The following LMX1B variants were observed in gnomAD, a reference collection of about 807,000 sequenced individuals.
LMX1B encodes LIM homeobox transcription factor 1 beta.
In LMX1B, 12 loss-of-function variants were observed where a neutral mutation model predicts 51.4. The observed-to-expected ratio is 0.23, with a 90% CI of 0.15 to 0.38. The LOEUF is 0.38. Ranked by LOEUF, LMX1B falls within the 10% of genes least tolerant of loss-of-function variation. LMX1B has a pLI of 1.00. For missense variants in LMX1B, 445 were observed against 571.1 expected (o/e 0.78, Z 2.25); for synonymous variants, 237 against 235.4 (o/e 1.01, Z -0.06).
intron 2 of LMX1B, among the ~76,000 whole-genome samples, chr9:126,622,949 C>T (rs189769791): frequency 4.9e-4 from 75 of 152,382 alleles, no homozygotes; most frequent in African/African-American, 1.7e-3. Flanking sequence ...TAATTCCAAT[C>T]TTACAGGGTT....
At chr9:126,661,987 G>A (rs1028145598) in intron 2 of LMX1B, among the ~76,000 whole-genome samples, 2 of 152,332 alleles carry the variant, frequency 1.3e-5, no homozygotes, top group East Asian at 3.9e-4. Flanking sequence ...GCAGCAGGAA[G>A]GGGCCTTTCT....
intron 2 of LMX1B, among the ~76,000 whole-genome samples, chr9:126,679,787 T>C (rs1357984870): frequency 1.3e-5 from 2 of 152,146 alleles, no homozygotes; most frequent in Admixed American, 1.3e-4. Context: ...AACTTCTCCC[T>C]CCCAGAATGG....
intron 2 of LMX1B, among the ~76,000 whole-genome samples, chr9:126,667,324 C>T (rs896690820): frequency 1.3e-5 from 2 of 152,224 alleles, no homozygotes; most frequent in Admixed American, 6.5e-5. Flanking sequence ...GCAGCCACGA[C>T]GTAACAGTCC....
chr9:126,664,916 C>A (rs1038875021), intron 2 of LMX1B, among the ~76,000 whole-genome samples: 10 of 152,178 alleles, frequency 6.6e-5, no homozygotes, highest in Non-Finnish European at 1.2e-4. Context: ...TATTTCCTGA[C>A]CTTGACCAAA....
intron 5 of LMX1B, 57 bp from the exon 6 acceptor site, chr9:126,693,689 G>A (rs930159610): frequency 2.5e-5 from 39 of 1,588,808 alleles, no homozygotes; most frequent in Admixed American, 2.3e-4. Context: ...GGGGCGTGGG[G>A]CTGGCTGTGC....
At chr9:126,694,761 C>G (rs1025733628) in intron 6 of LMX1B, among the ~76,000 whole-genome samples, 2 of 152,170 alleles carry the variant, frequency 1.3e-5, no homozygotes, top group Non-Finnish European at 2.9e-5. Context: ...CTCGCTTCCC[C>G]CTCTGCCCCT....
intron 2 of LMX1B, among the ~76,000 whole-genome samples, chr9:126,688,946 C>T (rs1384819416): frequency 6.6e-6 from 1 of 152,242 alleles, no homozygotes; most frequent in African/African-American, 2.4e-5. Flanking sequence ...CATTGTCATT[C>T]TGCTGTGATA....
At chr9:126,644,766 C>T (rs1026941035) in intron 2 of LMX1B, among the ~76,000 whole-genome samples, 3 of 152,186 alleles carry the variant, frequency 2.0e-5, no homozygotes, top group African/African-American at 7.2e-5. Context: ...ACCACCTTCG[C>T]AGGGTATGTA....
At chr9:126,616,133 C>T (rs1055769650) in intron 2 of LMX1B, among the ~76,000 whole-genome samples, 6 of 152,166 alleles carry the variant, frequency 3.9e-5, no homozygotes, top group African/African-American at 7.2e-5. Flanking sequence ...CCGTTCCATG[C>T]GGGAATTTTG....
In LMX1B at chr9:126,690,938, C is replaced by T. The variant is rs886038509; in HGVS notation, c.429C>T (p.Cys143=). ...ECVYHLGCFC[C]CVCERQLRKG... is the part of the protein sequence containing the mutation. Reference sequence around the variant, plus strand: ...TGTACCACCTGGGCTGCTTCTGCTGCTGCGTGTGTGAACGGCAGCTACGCA... The same window carrying T: ...TGTACCACCTGGGCTGCTTCTGCTGTTGCGTGTGTGAACGGCAGCTACGCA... Residue 143 remains cysteine, a synonymous_variant, in exon 3 of 8, where the codon TGC becomes TGT. Coordinates refer to ENST00000373474, the MANE Select transcript of LMX1B (RefSeq NM_001174147.2). 1.1e-5 allele frequency: 17 copies of T among 1,613,984 alleles called. No homozygotes were observed. Among genetic ancestry groups the T allele is most frequent in the African/African-American group, 2.7e-5 (2 of 74,940 alleles).
At chr9:126,687,958 A>T (rs2029970871) in intron 2 of LMX1B, among the ~76,000 whole-genome samples, 1 of 152,036 alleles carries the variant, frequency 6.6e-6, no homozygotes, top group African/African-American at 2.4e-5. Context: ...AGTCGCTCTC[A>T]CCCCAGCACA....
Position 126,677,461 on chromosome 9 carries a change from G to A in LMX1B, c.327-13375G>A, listed in dbSNP as rs552551144. ...CGGCACAACAGGTCACTGGCTAGAAGCAGGTATCAGGCTCCCAAATCTCTG... is the reference window on the plus strand; with the variant it reads ...CGGCACAACAGGTCACTGGCTAGAAACAGGTATCAGGCTCCCAAATCTCTG... On this transcript the variant is annotated intron_variant, in intron 2 of 7. Transcript: ENST00000373474. The surrounding 1 kb of genome is among the most constrained non-coding windows in gnomAD (Gnocchi z 5.0). Among the ~76,000 whole-genome samples, 1 of 152,334 alleles carries A rather than the reference G, an allele frequency of 6.6e-6. No individual in the cohort carries two copies. The highest frequency in any genetic ancestry group is 2.4e-5 in the African/African-American group (1 of 41,574).
rs1427139400 is a variant in LMX1B, at chr9:126,673,251, C to A, written c.327-17585C>A. ...CCCCAGACACCACAGGGAGCCCCTA[C>A]CTAGGGAAAGGGCATTGAGGGGACC... On this transcript the variant is annotated intron_variant, in intron 2 of 7. Transcript: ENST00000373474. The surrounding 1 kb of genome is among the most constrained non-coding windows in gnomAD (Gnocchi z 4.4). Among the ~76,000 whole-genome samples, 1 of 152,150 alleles carries A rather than the reference C, an allele frequency of 6.6e-6. No homozygotes were observed. Among genetic ancestry groups the A allele is most frequent in the Non-Finnish European group, 1.5e-5 (1 of 68,030 alleles).
chr9:126,695,687 C>G lies in LMX1B; in HGVS notation c.887-152C>G, dbSNP rs576686778. The G allele has an allele frequency of 4.3e-5, 34 of 787,080 alleles. No individual in the cohort carries two copies. In the Middle Eastern group the frequency reaches 1.5e-3, roughly 35 times the overall value. 48.8% of individuals were successfully genotyped at this position (787,080 alleles called of 1,614,324 possible). A position where few individuals can be genotyped will look rare whatever the true frequency, so the allele number is the denominator to read the frequency against. ...CCTGGAGGAGGAGCTGGAGTGTGCA[C>G]CTGGGGAAGGGGCTGGGGAGTCAGT... On this transcript the variant is annotated intron_variant, in intron 6 of 7. Transcript: ENST00000373474. This position sits in a 1 kb window ranked among gnomAD's most constrained non-coding sequence, Gnocchi z 5.2.
chr9:126,669,431 G>A (rs532443025), intron 2 of LMX1B, among the ~76,000 whole-genome samples: 4 of 152,276 alleles, frequency 2.6e-5, no homozygotes, highest in South Asian at 4.2e-4. Flanking sequence ...AGTTTCCTTC[G>A]GGTCTGCATT....
intron 2 of LMX1B, among the ~76,000 whole-genome samples, chr9:126,627,377 T>A (rs1236930735): frequency 6.6e-6 from 1 of 152,022 alleles, no homozygotes; most frequent in African/African-American, 2.4e-5. Flanking sequence ...CCCTGCTTCT[T>A]CCTGCCAGCT....
Position 126,675,787 on chromosome 9 carries a change from C to T in LMX1B, c.327-15049C>T, listed in dbSNP as rs558697541. On this transcript the variant is annotated intron_variant, in intron 2 of 7. Coordinates refer to ENST00000373474, the MANE Select transcript of LMX1B (RefSeq NM_001174147.2). ...TCAGTAGGCCGGGCGCGGTGGCTCA[C>T]GCCTGTAATCCCAGCACTTTGGGAG... Among the ~76,000 whole-genome samples, 4 of 149,278 alleles carry T rather than the reference C, an allele frequency of 2.7e-5. No homozygotes were observed. In the East Asian group the frequency reaches 7.9e-4, roughly 30 times the overall value.
At chr9:126,650,598 C>T (rs531570014) in intron 2 of LMX1B, among the ~76,000 whole-genome samples, 28 of 152,354 alleles carry the variant, frequency 1.8e-4, no homozygotes, top group African/African-American at 6.7e-4. Flanking sequence ...CGGAGGGCAG[C>T]GGGAAAGCCC....
intron 2 of LMX1B, among the ~76,000 whole-genome samples, chr9:126,686,600 A>T (rs1049804642): frequency 1.3e-5 from 2 of 152,200 alleles, no homozygotes; most frequent in Non-Finnish European, 2.9e-5. Flanking sequence ...GCTGAGTAAT[A>T]AGAACTTGAG....
Sources: allele counts gnomAD v4.1 joint callset (sites outside exome capture counted in the v4.1 genomes callset), GRCh38; gene constraint gnomAD v4.1.1; non-coding constraint Gnocchi (gnomAD v3.1); transcripts MANE v1.5; gene names NCBI Gene and HGNC (gene_info 2026-07-23, HGNC 2026-07-21).